The following CPNE4 variants were observed in gnomAD, a reference collection of about 807,000 sequenced individuals.
CPNE4 encodes copine-4.
Under a neutral mutation model 67.9 loss-of-function variants are expected in CPNE4, and 25 were observed. The ratio of observed to expected loss-of-function variants is 0.37; its 90% CI spans 0.27 to 0.51. The LOEUF (loss-of-function observed/expected upper bound fraction) is 0.51, where lower values mean the gene tolerates loss of function less well. Ranked by LOEUF, CPNE4 falls within the 20% of genes least tolerant of loss-of-function variation. The pLI, the probability that CPNE4 is intolerant of heterozygous loss-of-function variation, is 0.93. For synonymous variants in CPNE4, 242 were observed against 244.9 expected (o/e 0.99, Z 0.11); for missense variants, 464 against 690.8 (o/e 0.67, Z 3.68).
At chr3:131,821,136 C>T (rs1350792310) in intron 2 of CPNE4, among the ~76,000 whole-genome samples, 1 of 152,156 alleles carries the variant, frequency 6.6e-6, no homozygotes, top group Non-Finnish European at 1.5e-5. Context: ...ATCTCCAGAG[C>T]CCGTTTCATT....
chr3:131,589,231 G>A (rs921844638), intron 7 of CPNE4, among the ~76,000 whole-genome samples: 4 of 152,126 alleles, frequency 2.6e-5, no homozygotes, highest in Non-Finnish European at 5.9e-5. Flanking sequence ...TCAAAACCCG[G>A]GAAACTCACA....
intron 3 of CPNE4, among the ~76,000 whole-genome samples, chr3:131,713,055 G>C (rs1313632685): frequency 1.3e-5 from 2 of 152,078 alleles, no homozygotes; most frequent in Non-Finnish European, 2.9e-5. Flanking sequence ...ACACTGATAG[G>C]GTGGTCTGGG....
intron 3 of CPNE4, among the ~76,000 whole-genome samples, chr3:131,721,588 G>A (rs2081889819): frequency 2.6e-5 from 4 of 151,918 alleles, no homozygotes; most frequent in Admixed American, 2.6e-4. Context: ...GTAGAGACGG[G>A]GTTTCACCGT....
intron 5 of CPNE4, among the ~76,000 whole-genome samples, chr3:131,690,600 T>C (rs1035736918): frequency 3.3e-5 from 5 of 152,122 alleles, no homozygotes; most frequent in Non-Finnish European, 7.4e-5. Context: ...GAAGAGAACA[T>C]ATGAAATATC....
chr3:131,816,290 A>G (rs1403418727), intron 2 of CPNE4, among the ~76,000 whole-genome samples: 2 of 152,188 alleles, frequency 1.3e-5, no homozygotes, highest in African/African-American at 4.8e-5. Context: ...CCATGCTATC[A>G]TGGGGAGTGT....
At chr3:131,908,188 C>G (rs2088842235) in intron 1 of CPNE4, among the ~76,000 whole-genome samples, 1 of 152,074 alleles carries the variant, frequency 6.6e-6, no homozygotes, top group South Asian at 2.1e-4. Context: ...GTCATACATC[C>G]CTTCTACTTG....
intron 2 of CPNE4, among the ~76,000 whole-genome samples, chr3:131,730,853 T>G (rs1222376707): frequency 6.6e-6 from 1 of 152,192 alleles, no homozygotes; most frequent in African/African-American, 2.4e-5. Flanking sequence ...GATCTTGGAC[T>G]TCTAGCCTCC....
At chr3:131,973,804 T>A (rs116078250) in intron 1 of CPNE4, among the ~76,000 whole-genome samples, 155 of 152,334 alleles carry the variant, frequency 1.0e-3, no homozygotes, top group African/African-American at 3.5e-3. Flanking sequence ...TTTATCTACT[T>A]AACTATTACC....
At chr3:131,667,361 C>T (rs1405181559) in intron 7 of CPNE4, among the ~76,000 whole-genome samples, 2 of 152,096 alleles carry the variant, frequency 1.3e-5, no homozygotes, top group African/African-American at 4.8e-5. Flanking sequence ...ACCAGTGGTT[C>T]TTAACTGGAA....
chr3:131,681,850 G>A (rs570927066), intron 6 of CPNE4, among the ~76,000 whole-genome samples: 1 of 151,810 alleles, frequency 6.6e-6, no homozygotes, highest in South Asian at 2.1e-4. Context: ...CTGATGGTCT[G>A]TTTTCAAATA....
Position 131,776,747 on chromosome 3 carries a change from T to C in CPNE4, c.181-53122A>G, listed in dbSNP as rs372749715. On this transcript the variant is annotated intron_variant, in intron 2 of 15. Coordinates refer to ENST00000429747, the MANE Select transcript of CPNE4 (RefSeq NM_130808.3). ...GCTGCCTCGCCTAATACAAAACATT[T>C]ATTGCATCTTGTTGGACAATGCCTT... is the stretch of plus-strand genomic sequence containing the variant. Among the ~76,000 whole-genome samples, 4 of 152,116 alleles carry C rather than the reference T, an allele frequency of 2.6e-5. No homozygotes were observed. In the East Asian group the frequency reaches 7.7e-4, roughly 29 times the overall value.
At chr3:131,558,763 T>G (rs1467022394) in intron 11 of CPNE4, among the ~76,000 whole-genome samples, 1 of 151,948 alleles carries the variant, frequency 6.6e-6, no homozygotes, top group East Asian at 1.9e-4. Flanking sequence ...TCAGGGCACC[T>G]AGACATTTAA....
intron 3 of CPNE4, among the ~76,000 whole-genome samples, chr3:131,704,141 G>T (rs1200049822): frequency 6.6e-6 from 1 of 152,150 alleles, no homozygotes; most frequent in African/African-American, 2.4e-5. Context: ...CCACTACGGA[G>T]AACTAAGGTT....
chr3:131,639,191 AC>A (rs1464631452), intron 7 of CPNE4, among the ~76,000 whole-genome samples: 1 of 152,112 alleles, frequency 6.6e-6, no homozygotes, highest in Non-Finnish European at 1.5e-5. Flanking sequence ...ACTAAAACAA[AC>A]AAAAAATACA....
intron 7 of CPNE4, among the ~76,000 whole-genome samples, chr3:131,669,060 G>C (rs1462558557): frequency 6.6e-6 from 1 of 152,144 alleles, no homozygotes; most frequent in African/African-American, 2.4e-5. Context: ...CTCTGTTCTT[G>C]CATTCTTCGA....
chr3:131,916,714 G>C (rs938564928), intron 1 of CPNE4, among the ~76,000 whole-genome samples: 7 of 152,194 alleles, frequency 4.6e-5, no homozygotes, highest in African/African-American at 1.7e-4. Flanking sequence ...GGACAATACA[G>C]CGGCTACTAG....
intron 3 of CPNE4, among the ~76,000 whole-genome samples, chr3:131,719,256 A>C (rs1015469574): frequency 1.3e-5 from 2 of 152,196 alleles, no homozygotes; most frequent in African/African-American, 4.8e-5. Flanking sequence ...GCTCTGGATT[A>C]AGAATCAAAA....
At chr3:132,020,574 C>G (rs1433319802) in intron 1 of CPNE4, among the ~76,000 whole-genome samples, 1 of 152,108 alleles carries the variant, frequency 6.6e-6, no homozygotes. Context: ...AAAGCATGAA[C>G]ATTTCTTTCA....
At chr3:131,769,861 G>T (rs1281440095) in intron 2 of CPNE4, among the ~76,000 whole-genome samples, 1 of 152,072 alleles carries the variant, frequency 6.6e-6, no homozygotes, top group Non-Finnish European at 1.5e-5. Context: ...TGTATTATGA[G>T]AAGAACATAA....
Sources: gnomAD v4.1 joint callset for allele counts (sites outside exome capture counted in the v4.1 genomes callset) on GRCh38, gnomAD v4.1.1 for gene constraint, MANE v1.5 for transcripts, NCBI Gene and HGNC (gene_info 2026-07-23, HGNC 2026-07-21) for gene names.